Variants in PFKFB4 observed in about 807,000 individuals in gnomAD.
The protein encoded by PFKFB4 is 6-phosphofructo-2-kinase/fructose-2,6-biphosphatase 4.
A neutral mutation model predicts 62.8 loss-of-function variants in PFKFB4; 42 were observed. The observed-to-expected ratio is 0.67, with a 90% CI of 0.52 to 0.86. The LOEUF is 0.86. Among genes scored for constraint, PFKFB4 ranks in the 40% least tolerant of loss-of-function variants. PFKFB4 has a pLI of 0.00. For missense variants in PFKFB4, 475 were observed against 627.2 expected, an observed-to-expected ratio of 0.76 and a Z score of 2.59; for synonymous variants, 204 against 240.7, an observed-to-expected ratio of 0.85 and a Z score of 1.41.
chr3:48,555,334 G>A (rs1271292031), intron 1 of PFKFB4, among the ~76,000 whole-genome samples: 1 of 152,114 alleles, frequency 6.6e-6, no homozygotes, highest in Non-Finnish European at 1.5e-5. Context: ...CTCACAGTGT[G>A]GCCAGAAATA....
At chr3:48,557,412 CTT>C (rs2043358452), upstream of PFKFB4, among the ~76,000 whole-genome samples, 1 of 152,242 alleles carries the variant, frequency 6.6e-6, no homozygotes, top group Admixed American at 6.5e-5. Flanking sequence ...CCCCGGGACT[CTT>C]CCGCCGTCCA....
intron 1 of PFKFB4, among the ~76,000 whole-genome samples, chr3:48,551,011 C>T (rs955753999): frequency 6.6e-6 from 1 of 152,128 alleles, no homozygotes; most frequent in African/African-American, 2.4e-5. Flanking sequence ...ACCAGAGACC[C>T]AGACTGATGC....
upstream of PFKFB4, chr3:48,559,672 T>C: frequency 2.2e-6 from 1 of 451,466 alleles, no homozygotes; most frequent in South Asian, 1.6e-5. Context: ...GGAAGTATGC[T>C]GGGATGTCTG....
rs764514922 is a variant in PFKFB4 at position 48,523,755 on chromosome 3, A to G, written c.1168T>C (p.Cys390Arg). 9.3e-6 allele frequency: 15 copies of G among 1,614,110 alleles called. No individual in the cohort carries two copies. Among genetic ancestry groups the G allele is most frequent in the Non-Finnish European group, 1.3e-5 (15 of 1,180,046 alleles). ...LERQENVLVI[C>R]HQAVMRCLLA... ...AGGCAGCGCATCACAGCCTGGTGGC[A>G]GATGACCAGCACATTCTCTTGCCTC... The change falls in exon 11 of 14, where the codon TGC becomes CGC. Residue 390 changes from cysteine (C) to arginine (R), a missense_variant. Transcript: ENST00000232375.
chr3:48,522,845 C>A (rs867896075), intron 12 of PFKFB4, among the ~76,000 whole-genome samples: 1 of 151,526 alleles, frequency 6.6e-6, no homozygotes, highest in Non-Finnish European at 1.5e-5. Context: ...ACTGCAAGTT[C>A]CGCCTCCCGG....
chr3:48,534,435 T>A lies in PFKFB4; in HGVS notation c.987+1077A>T, dbSNP rs547857290. 3.3e-5 allele frequency among the ~76,000 whole-genome samples: 5 copies of A among 152,228 alleles called. No individual in the cohort carries two copies. The South Asian group carries it at 1.0e-3, about 32-fold the overall frequency. On this transcript the variant is annotated intron_variant, in intron 9 of 13. Transcript: ENST00000232375. ...AAAACCATACTGAGATACATCATAA[T>A]CAAATTGCTAAAAATCAGCAATAAA... is the stretch of plus-strand genomic sequence containing the variant.
At chr3:48,520,571 T>C (rs755658444) in intron 13 of PFKFB4, among the ~76,000 whole-genome samples, 13 of 152,286 alleles carry the variant, frequency 8.5e-5, no homozygotes, top group East Asian at 1.9e-4. Context: ...GAGAGAGACA[T>C]GGCCCCCATG....
chr3:48,562,530 C>T, upstream of PFKFB4: 1 of 535,622 alleles, frequency 1.9e-6, no homozygotes, highest in South Asian at 2.5e-5. This position sits in a 1 kb window ranked among gnomAD's most constrained non-coding sequence, Gnocchi z 4.3. Context: ...GGCAAGACTC[C>T]ATGTGGCAGT....
chr3:48,539,981 C>A (rs1239667209), intron 4 of PFKFB4, among the ~76,000 whole-genome samples: 1 of 152,130 alleles, frequency 6.6e-6, no homozygotes, highest in African/African-American at 2.4e-5. Context: ...GGAGAGAATG[C>A]CCCAAGGAAG....
intron 1 of PFKFB4, among the ~76,000 whole-genome samples, chr3:48,555,632 C>G (rs1284898679): frequency 6.6e-6 from 1 of 152,158 alleles, no homozygotes; most frequent in Non-Finnish European, 1.5e-5. Flanking sequence ...CCAGGACCCA[C>G]GCCTGTAATC....
At chr3:48,532,275 C>T (rs142876825) in intron 9 of PFKFB4, among the ~76,000 whole-genome samples, 2,213 of 152,126 alleles carry the variant, frequency 0.015, 29 homozygotes, top group Non-Finnish European at 0.023. Context: ...ATGCCACTGC[C>T]CTCCAGCCTG....
intron 6 of PFKFB4, 56 bp downstream of exon 6, chr3:48,539,198 A>AAAAGGGATGTCCCTGTCACACACG: frequency 7.2e-7 from 1 of 1,387,264 alleles, no homozygotes; most frequent in Non-Finnish European, 1.0e-6. Flanking sequence ...CCAAAACCTG[A>AAAAGGGATGTCCCTGTCACACACG]AAAGGGATGT....
intron 3 of PFKFB4, 147 bp downstream of exon 3, chr3:48,549,717 G>A: frequency 1.6e-6 from 1 of 635,014 alleles, no homozygotes; most frequent in Non-Finnish European, 2.9e-6. Context: ...CATCAGGGCT[G>A]GGCAAGGCCA....
In PFKFB4 at chr3:48,539,311, C is replaced by A; in HGVS notation, c.454-1G>T. 1 of 1,613,846 alleles carries A rather than the reference C, an allele frequency of 6.2e-7. No homozygotes were observed. The highest frequency in any genetic ancestry group is 8.5e-7 in the Non-Finnish European group (1 of 1,179,830). On this transcript the variant is annotated splice_acceptor_variant, in intron 5 of 13. Transcript: ENST00000232375. LOFTEE classifies it high-confidence loss of function. ...CACAGATGGACTCGACAAAAAAGGT[C>A]TGCGGCAGGACCAGAAGCGCCGGGG...
intron 9 of PFKFB4, chr3:48,525,925 GT>G: frequency 3.5e-6 from 1 of 287,064 alleles, no homozygotes; most frequent in Non-Finnish European, 6.5e-6. Flanking sequence ...GATGCTATGT[GT>G]TTTTTCTTTT....
intron 1 of PFKFB4, among the ~76,000 whole-genome samples, chr3:48,550,549 G>T (rs2043110280): frequency 6.6e-6 from 1 of 152,052 alleles, no homozygotes; most frequent in South Asian, 2.1e-4. Flanking sequence ...TGGCTAGGGG[G>T]GTCCCCACCG....
intron 8 of PFKFB4, 81 bp from the exon 9 acceptor site, chr3:48,535,739 A>G: frequency 6.5e-7 from 1 of 1,541,110 alleles, no homozygotes; most frequent in Non-Finnish European, 8.9e-7. Flanking sequence ...GGTCCATGAG[A>G]TCACCCTCGC....
chr3:48,526,981 A>C (rs2042282854), intron 9 of PFKFB4, among the ~76,000 whole-genome samples: 1 of 151,850 alleles, frequency 6.6e-6, no homozygotes, highest in Admixed American at 6.6e-5. Context: ...AGGCACAGAC[A>C]GACATACATA....
Position 48,523,715 on chromosome 3 carries a change from A to G in PFKFB4, c.1208T>C (p.Leu403Pro). The G allele has an allele frequency of 6.2e-7, 1 of 1,614,150 alleles. No individual in the cohort carries two copies. The highest frequency in any genetic ancestry group is 8.5e-7 in the Non-Finnish European group (1 of 1,180,010). ...AVMRCLLAYF[L>P]DKAAEQLPYL... ...ACAGCCCACACCTGCTGCCTTGTCGAGGAAGTAGGCCAGCAGGCAGCGCAT... is the reference window on the plus strand; with the variant it reads ...ACAGCCCACACCTGCTGCCTTGTCGGGGAAGTAGGCCAGCAGGCAGCGCAT... Residue 403 changes from leucine to proline, a missense_variant, in exon 11 of 14, where the codon CTC (leucine) becomes CCC (proline). Leu to Pro is a moderately conservative substitution (Grantham distance 98). Transcript: ENST00000232375.
Sources: allele counts gnomAD v4.1 joint callset (sites outside exome capture counted in the v4.1 genomes callset), GRCh38; gene constraint gnomAD v4.1.1; non-coding constraint Gnocchi (gnomAD v3.1); transcripts MANE v1.5; gene names NCBI Gene and HGNC (gene_info 2026-07-23, HGNC 2026-07-21).